The following CAMK1G variants were observed in gnomAD, a reference collection of about 807,000 sequenced individuals.
CAMK1G encodes calcium/calmodulin dependent protein kinase IG, also known as calcium/calmodulin-dependent protein kinase type 1G.
Under a neutral mutation model 54.8 loss-of-function variants are expected in CAMK1G, and 27 were observed. The observed-to-expected ratio is 0.49, with a 90% confidence interval of 0.36 to 0.68. CAMK1G has a LOEUF of 0.68. Ranked by LOEUF, CAMK1G falls within the 30% of genes least tolerant of loss-of-function variation. The pLI, the probability that CAMK1G is intolerant of heterozygous loss-of-function variation, is 0.00. For synonymous variants in CAMK1G, 238 were observed against 224.9 expected, an observed-to-expected ratio of 1.06 and a Z score of -0.52; for missense variants, 512 against 591.0, an observed-to-expected ratio of 0.87 and a Z score of 1.39.
At chr1:209,599,704 C>T (rs1665479423) in intron 2 of CAMK1G, among the ~76,000 whole-genome samples, 1 of 152,180 alleles carries the variant, frequency 6.6e-6, no homozygotes, top group African/African-American at 2.4e-5. Flanking sequence ...GCATTTTTCC[C>T]CTCCAGTACA....
chr1:209,608,215 C>A (rs1343464928), intron 7 of CAMK1G, among the ~76,000 whole-genome samples: 1 of 152,236 alleles, frequency 6.6e-6, no homozygotes, highest in Non-Finnish European at 1.5e-5. Flanking sequence ...GCACCCCTGC[C>A]CCTTTTACTG....
At chr1:209,591,498 G>A (rs968700744) in intron 1 of CAMK1G, among the ~76,000 whole-genome samples, 1 of 152,168 alleles carries the variant, frequency 6.6e-6, no homozygotes, top group Non-Finnish European at 1.5e-5. Context: ...GCAGCAAAAA[G>A]GGGAATGGGG....
At chr1:209,612,324 T>C in intron 11 of CAMK1G, 108 bp downstream of exon 11, 2 of 1,210,580 alleles carry the variant, frequency 1.7e-6, no homozygotes, top group Non-Finnish European at 2.3e-6. Context: ...TAGGCAGCTA[T>C]ATAGGGAGGG....
intron 6 of CAMK1G, 68 bp from the exon 7 acceptor site, chr1:209,607,790 C>A: frequency 7.4e-7 from 1 of 1,355,476 alleles, no homozygotes; most frequent in African/African-American, 1.4e-5. Flanking sequence ...TAAGCCTGGC[C>A]TTCAGCTCCC....
intron 2 of CAMK1G, among the ~76,000 whole-genome samples, chr1:209,597,653 G>A (rs1395055646): frequency 1.3e-5 from 2 of 152,170 alleles, no homozygotes; most frequent in African/African-American, 2.4e-5. Context: ...AAGCTCGGGC[G>A]GCTTTGATTA....
intron 1 of CAMK1G, among the ~76,000 whole-genome samples, chr1:209,584,195 T>C (rs909697580): frequency 2.6e-5 from 4 of 152,164 alleles, no homozygotes; most frequent in Non-Finnish European, 4.4e-5. Flanking sequence ...CTTCATCTCT[T>C]AACCTCTCTG....
At chr1:209,603,399 G>C in intron 4 of CAMK1G, 111 bp downstream of exon 4, 1 of 805,948 alleles carries the variant, frequency 1.2e-6, no homozygotes, top group Non-Finnish European at 2.1e-6. Context: ...CAAAAATGAA[G>C]ACTTCATTCA....
At chr1:209,605,471 A>G in intron 4 of CAMK1G, 65 bp from the exon 5 acceptor site, 1 of 1,573,750 alleles carries the variant, frequency 6.4e-7, no homozygotes, top group African/African-American at 1.3e-5. Context: ...GCTTCAAAGC[A>G]AACACCTTCT....
chr1:209,595,120 G>A (rs1255008617), intron 2 of CAMK1G, 45 bp downstream of exon 2: 7 of 1,386,110 alleles, frequency 5.1e-6, no homozygotes, highest in African/African-American at 1.4e-5. Flanking sequence ...GCTGCCTGCA[G>A]TGGGAGGTTA....
intron 2 of CAMK1G, among the ~76,000 whole-genome samples, chr1:209,596,535 C>G (rs1381724509): frequency 2.0e-5 from 3 of 152,126 alleles, no homozygotes; most frequent in Non-Finnish European, 4.4e-5. Context: ...CAACTTTTAA[C>G]TGTGAAAATG....
intron 1 of CAMK1G, among the ~76,000 whole-genome samples, chr1:209,590,413 C>T (rs745390304): frequency 4.6e-5 from 7 of 152,156 alleles, no homozygotes; most frequent in Admixed American, 1.3e-4. Context: ...TTGAGTTTTC[C>T]ACATTGCACT....
intron 2 of CAMK1G, among the ~76,000 whole-genome samples, chr1:209,596,444 C>G (rs1293248101): frequency 6.6e-6 from 1 of 152,150 alleles, no homozygotes; most frequent in African/African-American, 2.4e-5. Context: ...GACACACCTT[C>G]CCTCTTAGAG....
chr1:209,595,952 T>C (rs781635648), intron 2 of CAMK1G, among the ~76,000 whole-genome samples: 23 of 151,696 alleles, frequency 1.5e-4, no homozygotes, highest in African/African-American at 2.9e-4. Context: ...TCCAGGCCAC[T>C]GGCCCCCAAA....
At chr1:209,604,421 A>G (rs538530974) in intron 4 of CAMK1G, among the ~76,000 whole-genome samples, 1 of 152,220 alleles carries the variant, frequency 6.6e-6, no homozygotes, top group Non-Finnish European at 1.5e-5. Context: ...TCCAGGACTC[A>G]GGCCCCTCAG....
intron 6 of CAMK1G, among the ~76,000 whole-genome samples, chr1:209,607,198 T>A (rs1177303469): frequency 6.6e-6 from 1 of 152,156 alleles, no homozygotes; most frequent in African/African-American, 2.4e-5. Flanking sequence ...TCAGTAGGTA[T>A]TGAGTCCCAC....
Position 209,612,220 on chromosome 1 carries a change from C to G in CAMK1G, c.1340+4C>G. 1 of 1,610,506 alleles carries G rather than the reference C, an allele frequency of 6.2e-7. No homozygotes were observed. Among genetic ancestry groups the G allele is most frequent in the South Asian group, 1.1e-5 (1 of 91,012 alleles). On this transcript the variant is annotated splice_donor_region_variant and intron_variant, in intron 11 of 12. Transcript: ENST00000361322. ...TCAAAAAGGCCAACAAAAAACAGTA[C>G]GTATTTTTAGCCAAAGATGGAGCCC...
At chr1:209,584,417 C>G (rs1665043070) in intron 1 of CAMK1G, among the ~76,000 whole-genome samples, 1 of 152,186 alleles carries the variant, frequency 6.6e-6, no homozygotes, top group Non-Finnish European at 1.5e-5. Flanking sequence ...CGCAGCCGAG[C>G]TATCGCTGTC....
chr1:209,600,073 G>A lies in CAMK1G; in HGVS notation c.183G>A (p.Arg61=). Residue 61 remains arginine, a synonymous_variant, in exon 3 of 13, where the codon CGG becomes CGA. Coordinates refer to ENST00000361322, the MANE Select transcript of CAMK1G (RefSeq NM_020439.3). ...LKCIKKSPAF[R]DSSLENEIAV... ...GCATCAAGAAGTCACCTGCCTTCCG[G>A]GACAGCAGCCTGGAGAATGAGATTG... 6.2e-7 allele frequency: 1 copy of A among 1,613,884 alleles called. No individual in the cohort carries two copies. Among genetic ancestry groups the A allele is most frequent in the Non-Finnish European group, 8.5e-7 (1 of 1,179,872 alleles).
At chr1:209,585,128 G>GGT (rs149329373) in intron 1 of CAMK1G, among the ~76,000 whole-genome samples, 71 of 150,808 alleles carry the variant, frequency 4.7e-4, no homozygotes, top group South Asian at 4.0e-3. Flanking sequence ...AGATTGCTCT[G>GGT]GTGTGTGTGT....
Sources: gnomAD v4.1 joint callset for allele counts (sites outside exome capture counted in the v4.1 genomes callset) on GRCh38, gnomAD v4.1.1 for gene constraint, MANE v1.5 for transcripts, NCBI Gene and HGNC (gene_info 2026-07-23, HGNC 2026-07-21) for gene names.